HMG20A: variants seen among roughly 807,000 people sequenced by gnomAD.
The protein encoded by HMG20A is high mobility group protein 20A.
HMG20A carries 17 observed loss-of-function variants against 43.9 expected under a neutral mutation model. That is an observed-to-expected ratio of 0.39 (90% confidence interval 0.27 to 0.58). The LOEUF (loss-of-function observed/expected upper bound fraction) is 0.58, where lower values mean the gene tolerates loss of function less well. HMG20A is among the 20% of genes least tolerant of loss of function. The pLI is 0.59. For missense variants in HMG20A, 341 were observed against 438.2 expected (o/e 0.78, Z 1.98); for synonymous variants, 132 against 147.5 (o/e 0.89, Z 0.76).
intron 2 of HMG20A, among the ~76,000 whole-genome samples, chr15:77,461,878 T>C (rs763782697): frequency 6.6e-6 from 1 of 152,192 alleles, no homozygotes; most frequent in Non-Finnish European, 1.5e-5. Flanking sequence ...TCTAAAATGA[T>C]TGAAATATTT....
chr15:77,502,168 A>G, the HMG20A span, among the ~76,000 whole-genome samples: 1 of 152,254 alleles, frequency 6.6e-6, no homozygotes, highest in African/African-American at 2.4e-5. Flanking sequence ...ATAAAGTTGT[A>G]TGAAATACGG....
At chr15:77,435,700 T>C (rs35778082) in intron 1 of HMG20A, among the ~76,000 whole-genome samples, 12,125 of 152,258 alleles carry the variant, frequency 0.08, 595 homozygotes, top group Non-Finnish European at 0.1. Context: ...GTAGGTGGTA[T>C]GCTTCTACCC....
At chr15:77,515,154 T>A in the HMG20A span, among the ~76,000 whole-genome samples, 1 of 152,060 alleles carries the variant, frequency 6.6e-6, no homozygotes, top group African/African-American at 2.4e-5. Flanking sequence ...CCAAAGACAA[T>A]GGGCTTGAAT....
intron 1 of HMG20A, among the ~76,000 whole-genome samples, chr15:77,453,968 C>T (rs1206163014): frequency 6.9e-6 from 1 of 145,546 alleles, no homozygotes; most frequent in Non-Finnish European, 1.5e-5. Flanking sequence ...GCTAGGAATT[C>T]AAGACAGCCT....
chr15:77,476,884 T>G (rs988955027), intron 6 of HMG20A, among the ~76,000 whole-genome samples: 1 of 152,244 alleles, frequency 6.6e-6, no homozygotes, highest in Non-Finnish European at 1.5e-5. Flanking sequence ...GAATTAATTT[T>G]AGGCTTTGTT....
intron 4 of HMG20A, among the ~76,000 whole-genome samples, chr15:77,467,721 T>C (rs1466143965): frequency 6.6e-6 from 1 of 152,262 alleles, no homozygotes; most frequent in African/African-American, 2.4e-5. Flanking sequence ...ACTGCTTTAA[T>C]ACTTTTTTTA....
chr15:77,513,874 C>T, the HMG20A span, among the ~76,000 whole-genome samples: 2 of 152,058 alleles, frequency 1.3e-5, no homozygotes, highest in South Asian at 2.1e-4. Context: ...TACAGGCATG[C>T]GCCACCATGC....
the HMG20A span, among the ~76,000 whole-genome samples, chr15:77,515,545 C>T: frequency 6.6e-6 from 1 of 152,068 alleles, no homozygotes; most frequent in South Asian, 2.1e-4. Flanking sequence ...TACCTGCTGC[C>T]TCCCAAAGTG....
At chr15:77,465,185 C>T (rs376152111) in intron 3 of HMG20A, among the ~76,000 whole-genome samples, 7 of 146,552 alleles carry the variant, frequency 4.8e-5, no homozygotes, top group South Asian at 4.3e-4. Flanking sequence ...TCTCTTGAAC[C>T]CGGAGGCAGA....
the HMG20A span, among the ~76,000 whole-genome samples, chr15:77,514,344 C>G: frequency 1.3e-5 from 2 of 152,082 alleles, no homozygotes. Flanking sequence ...CTATGAAGGT[C>G]AAGAACAGGC....
the HMG20A span, among the ~76,000 whole-genome samples, chr15:77,507,248 T>C: frequency 1.3e-5 from 2 of 152,226 alleles, no homozygotes; most frequent in Admixed American, 6.5e-5. Flanking sequence ...CCGTGCATCA[T>C]GTTGGTTCTG....
intron 4 of HMG20A, 65 bp from the exon 5 acceptor site, chr15:77,470,845 G>A (rs572168719): frequency 8.2e-6 from 11 of 1,345,970 alleles, no homozygotes; most frequent in Non-Finnish European, 1.1e-5. Flanking sequence ...TCTTCAAATA[G>A]GTAATTTAAT....
intron 9 of HMG20A, chr15:77,482,513 G>A (rs1285970990): frequency 6.6e-6 from 1 of 152,154 alleles, no homozygotes; most frequent in Non-Finnish European, 1.5e-5. Flanking sequence ...TTATGTGACT[G>A]TATTTTTATT....
In HMG20A at chr15:77,484,352, C is replaced by T. The variant is rs769887836; in HGVS notation, c.*1389C>T. The T allele has an allele frequency of 2.0e-5, 3 of 152,578 alleles. No homozygotes were observed. Among genetic ancestry groups the T allele is most frequent in the Non-Finnish European group, 4.4e-5 (3 of 68,138 alleles). The allele number at this position is 152,578 out of a possible 1,614,324, so 9.5% of individuals were successfully genotyped here. ...TTTTGTTTTTGTTTTTGTTTTGACA[C>T]TGCAGAGCACAAGGCTAAAGGTTAC... On this transcript the variant is annotated 3_prime_UTR_variant, in exon 10 of 10. Transcript: ENST00000336216.
At chr15:77,464,628 T>C (rs1026357739) in intron 3 of HMG20A, 20 of 346,776 alleles carry the variant, frequency 5.8e-5, no homozygotes, top group African/African-American at 4.0e-4. Flanking sequence ...ATATTAGATG[T>C]TGAACAAATA....
chr15:77,517,186 C>T, the HMG20A span, among the ~76,000 whole-genome samples: 173 of 152,280 alleles, frequency 1.1e-3, no homozygotes, highest in African/African-American at 3.7e-3. Context: ...CCCATCCCTG[C>T]GGAGACCATC....
intron 1 of HMG20A, among the ~76,000 whole-genome samples, chr15:77,424,560 C>G (rs773934074): frequency 3.9e-5 from 6 of 152,154 alleles, no homozygotes; most frequent in Non-Finnish European, 8.8e-5. Context: ...TTATCTTACC[C>G]CCAATCTTGC....
At chr15:77,454,766 T>C (rs1213244500) in intron 1 of HMG20A, among the ~76,000 whole-genome samples, 1 of 152,002 alleles carries the variant, frequency 6.6e-6, no homozygotes, top group Non-Finnish European at 1.5e-5. Flanking sequence ...GAAGGGAAAA[T>C]CAAGGGCCAA....
intron 4 of HMG20A, among the ~76,000 whole-genome samples, chr15:77,467,953 C>G (rs2072771693): frequency 1.3e-5 from 2 of 152,192 alleles, no homozygotes; most frequent in South Asian, 4.1e-4. Context: ...GTTAAAAGTT[C>G]CCAGCATTCC....
Sources: allele counts gnomAD v4.1 joint callset (sites outside exome capture counted in the v4.1 genomes callset), GRCh38; gene constraint gnomAD v4.1.1; transcripts MANE v1.5; gene names NCBI Gene and HGNC (gene_info 2026-07-23, HGNC 2026-07-21).